ZC3H12D: variants seen among roughly 807,000 people sequenced by gnomAD.
ZC3H12D encodes zinc finger CCCH-type containing 12D.
In ZC3H12D, 11 loss-of-function variants were observed where a neutral mutation model predicts 24.2. The observed-to-expected ratio is 0.46, with a 90% CI of 0.29 to 0.75. The LOEUF (loss-of-function observed/expected upper bound fraction) is 0.75. ZC3H12D is among the 30% of genes least tolerant of loss of function. ZC3H12D has a pLI of 0.11. For missense variants in ZC3H12D, 740 were observed against 767.7 expected, an observed-to-expected ratio of 0.96 and a Z score of 0.43; for synonymous variants, 333 against 341.8, an observed-to-expected ratio of 0.97 and a Z score of 0.28.
intron 2 of ZC3H12D, among the ~76,000 whole-genome samples, chr6:149,470,768 A>T (rs1776231133): frequency 6.6e-6 from 1 of 152,204 alleles, no homozygotes; most frequent in Non-Finnish European, 1.5e-5. Context: ...GGCTATTCAC[A>T]TTTAAGTTAA....
chr6:149,466,876 A>AAAAATAAAATAAAATAAAAT (rs149349012), intron 2 of ZC3H12D, among the ~76,000 whole-genome samples: 93 of 142,974 alleles, frequency 6.5e-4, no homozygotes, highest in African/African-American at 2.2e-3. Flanking sequence ...ACTCCATCTC[A>AAAAATAAAATAAAATAAAAT]AAAATAAAAT....
At chr6:149,478,219 G>GTACTT (rs1469842842) in intron 1 of ZC3H12D, among the ~76,000 whole-genome samples, 1 of 151,068 alleles carries the variant, frequency 6.6e-6, no homozygotes, top group Non-Finnish European at 1.5e-5. Flanking sequence ...TGTAATTTCT[G>GTACTT]TACTTTACTC....
chr6:149,469,855 T>C (rs1345854390), intron 2 of ZC3H12D, among the ~76,000 whole-genome samples: 2 of 152,060 alleles, frequency 1.3e-5, no homozygotes, highest in East Asian at 3.9e-4. Flanking sequence ...CCAGGGCTTG[T>C]CAACTGCAGC....
intron 3 of ZC3H12D, among the ~76,000 whole-genome samples, chr6:149,459,120 T>C (rs576543391): frequency 2.1e-4 from 32 of 151,066 alleles, no homozygotes; most frequent in African/African-American, 7.3e-4. Context: ...TATTTTAGTA[T>C]AGTCAAATGT....
At chr6:149,474,215 A>C (rs770810768) in intron 2 of ZC3H12D, 24 bp downstream of exon 2, 1 of 1,455,822 alleles carries the variant, frequency 6.9e-7, no homozygotes. Flanking sequence ...CCCCAGCCCC[A>C]GCTACAGGAT....
chr6:149,475,302 G>A (rs1282999326), intron 1 of ZC3H12D, among the ~76,000 whole-genome samples: 1 of 152,204 alleles, frequency 6.6e-6, no homozygotes, highest in Non-Finnish European at 1.5e-5. Flanking sequence ...CTTACCCAGG[G>A]CCAAATGCCC....
intron 1 of ZC3H12D, among the ~76,000 whole-genome samples, chr6:149,478,032 T>C (rs1776368362): frequency 6.6e-6 from 1 of 151,810 alleles, no homozygotes; most frequent in Admixed American, 6.6e-5. Context: ...CTGGGCATGG[T>C]GGGGTGCACC....
At chr6:149,484,108 C>T (rs950433430) in intron 1 of ZC3H12D, among the ~76,000 whole-genome samples, 2 of 152,242 alleles carry the variant, frequency 1.3e-5, no homozygotes, top group African/African-American at 4.8e-5. Context: ...AGCAACTCTA[C>T]TGTAGTCCAC....
chr6:149,479,915 T>C (rs1776398420), intron 1 of ZC3H12D, among the ~76,000 whole-genome samples: 1 of 152,200 alleles, frequency 6.6e-6, no homozygotes, highest in Non-Finnish European at 1.5e-5. Flanking sequence ...CCCAATCTTA[T>C]TGAATGGCAT....
At chr6:149,480,592 C>T (rs142199370) in intron 1 of ZC3H12D, among the ~76,000 whole-genome samples, 58 of 152,240 alleles carry the variant, frequency 3.8e-4, no homozygotes, top group African/African-American at 1.2e-3. Context: ...TAGAATTAGC[C>T]GGGCGTGGTG....
intron 1 of ZC3H12D, among the ~76,000 whole-genome samples, chr6:149,481,178 C>T (rs1776420754): frequency 6.6e-6 from 1 of 151,922 alleles, no homozygotes; most frequent in East Asian, 1.9e-4. Context: ...GAAGCCTTCC[C>T]ACCCCGACAG....
Position 149,451,262 on chromosome 6 carries a change from C to T in ZC3H12D, c.1005G>A (p.Gly335=), listed in dbSNP as rs951757133. The T allele has an allele frequency of 1.5e-5, 19 of 1,300,148 alleles. No individual in the cohort carries two copies. The highest frequency in any genetic ancestry group is 1.5e-5 in the African/African-American group (1 of 64,550). 80.5% of individuals were successfully genotyped at this position (1,300,148 alleles called of 1,614,324 possible). Residue 335 remains glycine (G), a synonymous_variant, in exon 6 of 6, where the codon GGG becomes GGA. Transcript: ENST00000409806. ...PFAHSLPPAR[G]SPDLAALRGS... is the part of the protein sequence containing the mutation. The stretch of plus-strand genomic sequence containing the variant: ...CTCGCAGGGCGGCCAGGTCCGGGGA[C>T]CCCCGCGCCGGCGGGAGGCTGTGCG...
At chr6:149,453,442 C>T (rs971428013) in intron 4 of ZC3H12D, among the ~76,000 whole-genome samples, 23 of 152,042 alleles carry the variant, frequency 1.5e-4, no homozygotes, top group African/African-American at 4.6e-4. Flanking sequence ...CTGGGCAACA[C>T]GGTGAAACCT....
At chr6:149,468,223 C>T (rs558228709) in intron 2 of ZC3H12D, among the ~76,000 whole-genome samples, 6 of 152,190 alleles carry the variant, frequency 3.9e-5, no homozygotes, top group South Asian at 2.1e-4. Flanking sequence ...TCAGGTGATT[C>T]GCCTGCCTTG....
Position 149,452,829 on chromosome 6 carries a change from G to A in ZC3H12D, c.681-107C>T. 1.0e-6 allele frequency: 1 copy of A among 961,728 alleles called. No individual in the cohort carries two copies. Among genetic ancestry groups the A allele is most frequent in the Non-Finnish European group, 1.6e-6 (1 of 636,344 alleles). The allele number at this position is 961,728 out of a possible 1,614,324, so 59.6% of individuals were successfully genotyped here. On this transcript the variant is annotated intron_variant, in intron 4 of 5. Transcript: ENST00000409806. This position sits in a 1 kb window ranked among gnomAD's most constrained non-coding sequence, Gnocchi z 4.0. The stretch of plus-strand genomic sequence containing the variant: ...CCCCAAGAACACCAGGAAGCATTCG[G>A]CCCCGGGCCCACCATCACCCAGCAG...
At chr6:149,483,800 C>T (rs1464955658) in intron 1 of ZC3H12D, among the ~76,000 whole-genome samples, 3 of 152,114 alleles carry the variant, frequency 2.0e-5, no homozygotes, top group African/African-American at 7.2e-5. Flanking sequence ...ATCCTCCCTC[C>T]CTGGCCCCAC....
At position 149,466,322 on chromosome 6, in the gene ZC3H12D, C is replaced by T. The variant is rs560045189; in HGVS notation, c.306-4352G>A. Reference sequence around the variant, plus strand: ...GAGGAACCACAGAGCCTGAGTCGCCCAGGAGACAGAAGAAACGGAGGCCCC... The same window carrying T: ...GAGGAACCACAGAGCCTGAGTCGCCTAGGAGACAGAAGAAACGGAGGCCCC... On this transcript the variant is annotated intron_variant, in intron 2 of 5. Coordinates refer to ENST00000409806, the MANE Select transcript of ZC3H12D (RefSeq NM_207360.3). Among the ~76,000 whole-genome samples, 24 of 151,540 alleles carry T rather than the reference C, an allele frequency of 1.6e-4. 1 individual carries two copies. Among genetic ancestry groups the T allele is most frequent in the African/African-American group, 5.6e-4 (23 of 41,336 alleles).
Position 149,456,231 on chromosome 6 carries a change from G to A in ZC3H12D, c.680+435C>T, listed in dbSNP as rs1459699886. 6.6e-6 allele frequency among the ~76,000 whole-genome samples: 1 copy of A among 151,286 alleles called. No individual in the cohort carries two copies. The highest frequency in any genetic ancestry group is 1.5e-5 in the Non-Finnish European group (1 of 67,926). ...TGAGCCACTGCACTCCAGCCTGGGTGACAGAGCAAGACTCCATCTCAAAAA... is the reference window on the plus strand; with the variant it reads ...TGAGCCACTGCACTCCAGCCTGGGTAACAGAGCAAGACTCCATCTCAAAAA... On this transcript the variant is annotated intron_variant, in intron 4 of 5. Coordinates refer to ENST00000409806, the MANE Select transcript of ZC3H12D (RefSeq NM_207360.3). The surrounding 1 kb of genome is among the most constrained non-coding windows in gnomAD (Gnocchi z 4.3).
In ZC3H12D at chr6:149,451,459, T is replaced by C; in HGVS notation, c.808A>G (p.Ile270Val). 6.4e-7 allele frequency: 1 copy of C among 1,574,540 alleles called. No individual in the cohort carries two copies. The highest frequency in any genetic ancestry group is 2.2e-4 in the Middle Eastern group (1 of 4,556). ...TCCGGGTGGTAGAACTTGCACTTGA[T>C]GCCATAGGTGCATTTCTTGCCTGAA... ...CPYGKKCTYG[I>V]KCKFYHPERP... The change falls in exon 6 of 6, where the codon ATC becomes GTC. Residue 270 changes from isoleucine to valine, a missense_variant. Ile to Val is a conservative substitution (Grantham distance 29). Transcript: ENST00000409806.
Sources: allele counts gnomAD v4.1 joint callset (sites outside exome capture counted in the v4.1 genomes callset), GRCh38; gene constraint gnomAD v4.1.1; non-coding constraint Gnocchi (gnomAD v3.1); transcripts MANE v1.5; gene names NCBI Gene and HGNC (gene_info 2026-07-23, HGNC 2026-07-21).